OR2M3: variants seen among roughly 807,000 people sequenced by gnomAD.
OR2M3 encodes olfactory receptor 2M3.
In OR2M3, 1 loss-of-function variant was observed where a neutral mutation model predicts 4.3. That is an observed-to-expected ratio of 0.23 (90% CI 0.08 to 1.11). OR2M3 has a LOEUF of 1.11. Ranked by LOEUF, OR2M3 falls within the 50% of genes most tolerant of loss-of-function variation. The pLI, the probability that OR2M3 is intolerant of heterozygous loss-of-function variation, is 0.54. For synonymous variants in OR2M3, 151 were observed against 139.4 expected (o/e 1.08, Z -0.59); for missense variants, 410 against 390.4 (o/e 1.05, Z -0.42).
chr1:248,211,124 A>C lies in OR2M3; in HGVS notation c.*7118A>C, dbSNP rs1203560718. ...TTGAGACTCTTGAAACTCACTTTGG[A>C]GTAAAAGTTAATACACTGGACTTTT... On this transcript the variant is annotated 3_prime_UTR_variant, in exon 2 of 2. Transcript: ENST00000641626. The C allele has an allele frequency of 6.6e-6, 1 of 152,230 alleles. No individual in the cohort carries two copies. Among genetic ancestry groups the C allele is most frequent in the Non-Finnish European group, 1.5e-5 (1 of 68,046 alleles). 9.4% of individuals were successfully genotyped at this position (152,230 alleles called of 1,614,324 possible). A position where few individuals can be genotyped will look rare whatever the true frequency, so the allele number is the denominator to read the frequency against.
At chr1:248,200,912 C>A (rs150123984) in intron 1 of OR2M3, among the ~76,000 whole-genome samples, 10 of 152,250 alleles carry the variant, frequency 6.6e-5, no homozygotes, top group African/African-American at 1.7e-4. Flanking sequence ...TTTCTTCCAA[C>A]TCCCTTGCTC....
chr1:248,207,459 T>A lies in OR2M3; in HGVS notation c.*3453T>A, dbSNP rs1666236151. ...AGGCATCTAATGGAATGAACTTTCCTCTTAGCACTGCTTTTGCTGTATCCC... is the reference window on the plus strand; with the variant it reads ...AGGCATCTAATGGAATGAACTTTCCACTTAGCACTGCTTTTGCTGTATCCC... On this transcript the variant is annotated 3_prime_UTR_variant, in exon 2 of 2. Transcript: ENST00000641626. 6.6e-6 allele frequency: 1 copy of A among 152,094 alleles called. No homozygotes were observed. The highest frequency in any genetic ancestry group is 2.4e-5 in the African/African-American group (1 of 41,430). The allele number at this position is 152,094 out of a possible 1,614,324, so 9.4% of individuals were successfully genotyped here.
intron 1 of OR2M3, 83 bp from the exon 2 acceptor site, chr1:248,202,967 C>A: frequency 8.1e-7 from 1 of 1,234,432 alleles, no homozygotes; most frequent in South Asian, 1.4e-5. Flanking sequence ...GATCACCCAA[C>A]TACAGAAGTT....
rs372065384 is a variant in OR2M3, at chr1:248,207,011, T to A, written c.*3005T>A. ...GCTTGTTACTGGTCTGATCAGAGAT[T>A]CTATATCTTCCTTTTTTAATCCAGG... On this transcript the variant is annotated 3_prime_UTR_variant, in exon 2 of 2. Transcript: ENST00000641626. The A allele has an allele frequency of 4.6e-5, 7 of 152,144 alleles. No individual in the cohort carries two copies. Among genetic ancestry groups the A allele is most frequent in the African/African-American group, 1.7e-4 (7 of 41,548 alleles). The allele number at this position is 152,144 out of a possible 1,614,324, so 9.4% of individuals were successfully genotyped here.
At position 248,207,211 on chromosome 1, in the gene OR2M3, A is replaced by G. The variant is rs890656584; in HGVS notation, c.*3205A>G. The G allele has an allele frequency of 4.0e-5, 6 of 151,788 alleles. 1 individual carries two copies. Among genetic ancestry groups the G allele is most frequent in the African/African-American group, 1.5e-4 (6 of 41,354 alleles). The allele number at this position is 151,788 out of a possible 1,614,324, so 9.4% of individuals were successfully genotyped here. ...GCATCTTCTCTATTCTTTTTTGGTT[A>G]ATCTTGCTAATGGTCTATCAACTTT... is the stretch of plus-strand genomic sequence containing the variant. On this transcript the variant is annotated 3_prime_UTR_variant, in exon 2 of 2. Transcript: ENST00000641626.
rs989668605 is a variant in OR2M3, at chr1:248,204,833, C to A, written c.*827C>A. ...GGTATTGCTAGATCAAAAGGTAGAT[C>A]CACTTTTAGTTCTTTAAGGAATGTT... On this transcript the variant is annotated 3_prime_UTR_variant, in exon 2 of 2. Coordinates refer to ENST00000641626, the MANE Select transcript of OR2M3 (RefSeq NM_001004689.2). The A allele has an allele frequency of 7.2e-5, 11 of 151,802 alleles. No individual in the cohort carries two copies. The highest frequency in any genetic ancestry group is 7.4e-5 in the Non-Finnish European group (5 of 67,970). 9.4% of individuals were successfully genotyped at this position (151,802 alleles called of 1,614,324 possible).
In OR2M3 at chr1:248,206,524, G is replaced by A. The variant is rs943309587; in HGVS notation, c.*2518G>A. ...AGAATTTTAATTGTAAAGGGATGTG[G>A]GATTTCATCAAATGCTTTTTCTCTG... On this transcript the variant is annotated 3_prime_UTR_variant, in exon 2 of 2. Coordinates refer to ENST00000641626, the MANE Select transcript of OR2M3 (RefSeq NM_001004689.2). 1 of 151,914 alleles carries A rather than the reference G, an allele frequency of 6.6e-6. No individual in the cohort carries two copies. The highest frequency in any genetic ancestry group is 6.6e-5 in the Admixed American group (1 of 15,260). The allele number at this position is 151,914 out of a possible 1,614,324, so 9.4% of individuals were successfully genotyped here.
rs1297140438 is a variant in OR2M3 at position 248,211,480 on chromosome 1, A to G, written c.*7474A>G. The G allele has an allele frequency of 6.6e-6, 1 of 152,038 alleles. No homozygotes were observed. The highest frequency in any genetic ancestry group is 2.4e-5 in the African/African-American group (1 of 41,394). The allele number at this position is 152,038 out of a possible 1,614,324, so 9.4% of individuals were successfully genotyped here. On this transcript the variant is annotated 3_prime_UTR_variant, in exon 2 of 2. Coordinates refer to ENST00000641626, the MANE Select transcript of OR2M3 (RefSeq NM_001004689.2). ...ATATTGAAATTTAGAATATAAGTAA[A>G]TGTTTCTGAATTTTCAAATGTAAGT...
chr1:248,201,320 T>C (rs928444967), intron 1 of OR2M3, among the ~76,000 whole-genome samples: 1 of 152,136 alleles, frequency 6.6e-6, no homozygotes, highest in Admixed American at 6.6e-5. Context: ...TCAGTGTCTT[T>C]GCCAAATGCC....
rs188630609 is a variant in OR2M3, at chr1:248,203,298, C to G, written c.231C>G (p.Thr77=). 1.5e-5 allele frequency: 25 copies of G among 1,613,984 alleles called. No individual in the cohort carries two copies. Among genetic ancestry groups the G allele is most frequent in the Non-Finnish European group, 2.0e-5 (24 of 1,180,014 alleles). Residue 77 remains threonine, a synonymous_variant, in exon 2 of 2, where the codon ACC becomes ACG. Transcript: ENST00000641626. ...TGGACCTCATGCTCATCTGCACCACCGTACCCAAGATGGCCTTCAACTACC... is the reference window on the plus strand; with the variant it reads ...TGGACCTCATGCTCATCTGCACCACGGTACCCAAGATGGCCTTCAACTACC... ...SLMDLMLICT[T]VPKMAFNYLS... is the part of the protein sequence containing the mutation.
chr1:248,202,180 C>T (rs188245814), intron 1 of OR2M3, among the ~76,000 whole-genome samples: 31 of 152,198 alleles, frequency 2.0e-4, no homozygotes, highest in African/African-American at 6.7e-4. Flanking sequence ...TGAATCTGTC[C>T]CATTCCTCTC....
In OR2M3 at chr1:248,204,382, C is replaced by T. The variant is rs1354598855; in HGVS notation, c.*376C>T. 2 of 166,998 alleles carry T rather than the reference C, an allele frequency of 1.2e-5. No individual in the cohort carries two copies. Among genetic ancestry groups the T allele is most frequent in the Admixed American group, 5.9e-5 (1 of 16,814 alleles). 10.3% of individuals were successfully genotyped at this position (166,998 alleles called of 1,614,324 possible). A position where few individuals can be genotyped will look rare whatever the true frequency, so the allele number is the denominator to read the frequency against. On this transcript the variant is annotated 3_prime_UTR_variant, in exon 2 of 2. Coordinates refer to ENST00000641626, the MANE Select transcript of OR2M3 (RefSeq NM_001004689.2). ...CTGTACCCAATGTGTAGTCTTTTAT[C>T]ACTTGTCATTCCCCGTATTTCCCTC...
chr1:248,204,077 G>T lies in OR2M3; in HGVS notation c.*71G>T. The T allele has an allele frequency of 6.7e-7, 1 of 1,485,936 alleles. No homozygotes were observed. The highest frequency in any genetic ancestry group is 9.3e-7 in the Non-Finnish European group (1 of 1,072,500). 92.0% of individuals were successfully genotyped at this position (1,485,936 alleles called of 1,614,324 possible). On this transcript the variant is annotated 3_prime_UTR_variant, in exon 2 of 2. Coordinates refer to ENST00000641626, the MANE Select transcript of OR2M3 (RefSeq NM_001004689.2). ...TTAAATGGTCCTATTTTTCCATTAA[G>T]CCTTGAAAATGGGATTCATTGTGTA...
Position 248,209,536 on chromosome 1 carries a change from G to C in OR2M3, c.*5530G>C, listed in dbSNP as rs73140153. 1 of 152,084 alleles carries C rather than the reference G, an allele frequency of 6.6e-6. No homozygotes were observed. The highest frequency in any genetic ancestry group is 2.1e-4 in the South Asian group (1 of 4,832). 9.4% of individuals were successfully genotyped at this position (152,084 alleles called of 1,614,324 possible). On this transcript the variant is annotated 3_prime_UTR_variant, in exon 2 of 2. Coordinates refer to ENST00000641626, the MANE Select transcript of OR2M3 (RefSeq NM_001004689.2). ...TCGATGTGGTGTTCTCATTCCCCTA[G>C]GAATGAGGCTTCCTGAGAGCCAAAC... is the stretch of plus-strand genomic sequence containing the variant.
intron 1 of OR2M3, among the ~76,000 whole-genome samples, chr1:248,199,751 TTTTTATAA>T (rs1472668177): frequency 2.6e-5 from 4 of 152,124 alleles, no homozygotes; most frequent in Non-Finnish European, 5.9e-5. Flanking sequence ...GACTTCTAAA[TTTTTATAA>T]ATTTATGATA....
intron 1 of OR2M3, among the ~76,000 whole-genome samples, chr1:248,199,583 C>T (rs1047755040): frequency 1.3e-5 from 2 of 152,058 alleles, no homozygotes; most frequent in African/African-American, 4.8e-5. Flanking sequence ...AAATTAAGCA[C>T]AATCTGTCAT....
chr1:248,212,463 A>C lies in OR2M3; in HGVS notation c.*8457A>C, dbSNP rs900160812. On this transcript the variant is annotated 3_prime_UTR_variant, in exon 2 of 2. Transcript: ENST00000641626. ...ACTTTTTATTAAGATAGATTCATTT[A>C]TATCCACAGATCTATGGTTATACTG... is the stretch of plus-strand genomic sequence containing the variant. 4 of 152,074 alleles carry C rather than the reference A, an allele frequency of 2.6e-5. No homozygotes were observed. The highest frequency in any genetic ancestry group is 9.6e-5 in the African/African-American group (4 of 41,458). The allele number at this position is 152,074 out of a possible 1,614,324, so 9.4% of individuals were successfully genotyped here. A position where few individuals can be genotyped will look rare whatever the true frequency, so the allele number is the denominator to read the frequency against.
Position 248,206,706 on chromosome 1 carries a change from C to T in OR2M3, c.*2700C>T, listed in dbSNP as rs949384034. On this transcript the variant is annotated 3_prime_UTR_variant, in exon 2 of 2. Transcript: ENST00000641626. ...TTTCGATATGCTGTGGGATTCAGTT[C>T]TCTAGTATTATGTTGAGGATTTTTG... is the stretch of plus-strand genomic sequence containing the variant. 2.6e-5 allele frequency: 4 copies of T among 151,816 alleles called. No homozygotes were observed. The highest frequency in any genetic ancestry group is 9.7e-5 in the African/African-American group (4 of 41,352). The allele number at this position is 151,816 out of a possible 1,614,324, so 9.4% of individuals were successfully genotyped here.
chr1:248,197,501 T>G (rs776032862), intron 1 of OR2M3, among the ~76,000 whole-genome samples, 200 bp downstream of exon 1: 5 of 152,174 alleles, frequency 3.3e-5, no homozygotes, highest in Non-Finnish European at 7.4e-5. Flanking sequence ...AAGGAGTGGT[T>G]ACTTGCTCCA....
Sources: gnomAD v4.1 joint callset for allele counts (sites outside exome capture counted in the v4.1 genomes callset) on GRCh38, gnomAD v4.1.1 for gene constraint, MANE v1.5 for transcripts, NCBI Gene and HGNC (gene_info 2026-07-23, HGNC 2026-07-21) for gene names.